The following RXRA variants were observed in gnomAD, a reference collection of about 807,000 sequenced individuals.
The protein encoded by RXRA is retinoic acid receptor RXR-alpha.
A neutral mutation model predicts 44.5 loss-of-function variants in RXRA; 5 were observed. The ratio of observed to expected loss-of-function variants is 0.11; its 90% CI spans 0.06 to 0.24. The LOEUF is 0.24. Among genes scored for constraint, RXRA ranks in the 10% least tolerant of loss-of-function variants. The pLI, the probability that RXRA is intolerant of heterozygous loss-of-function variation, is 1.00. For missense variants in RXRA, 412 were observed against 646.5 expected (o/e 0.64, Z 3.93); for synonymous variants, 291 against 271.4 (o/e 1.07, Z -0.71).
intron 6 of RXRA, chr9:134,425,398 C>T (rs1044276468): frequency 5.1e-5 from 50 of 985,082 alleles, no homozygotes; most frequent in Non-Finnish European, 5.7e-5. Context: ...AGGGCCGGGT[C>T]GCTCACAGCT....
chr9:134,418,830 G>T (rs1228337409), intron 5 of RXRA, among the ~76,000 whole-genome samples: 1 of 152,170 alleles, frequency 6.6e-6, no homozygotes, highest in Non-Finnish European at 1.5e-5. Flanking sequence ...CACCAGCTTC[G>T]GTCAAGGACA....
At chr9:134,346,236 T>G (rs1024674774) in intron 1 of RXRA, among the ~76,000 whole-genome samples, 1 of 152,188 alleles carries the variant, frequency 6.6e-6, no homozygotes, top group Non-Finnish European at 1.5e-5. Context: ...GCCCGGGACC[T>G]GGCGTTCATC....
chr9:134,329,317 G>A (rs1834965583), intron 1 of RXRA, among the ~76,000 whole-genome samples: 3 of 152,390 alleles, frequency 2.0e-5, no homozygotes, highest in Admixed American at 2.0e-4. Context: ...GGCTGGGCTT[G>A]GAGTCCCGCT....
At chr9:134,355,760 G>C (rs1554750015) in intron 1 of RXRA, among the ~76,000 whole-genome samples, 1 of 152,192 alleles carries the variant, frequency 6.6e-6, no homozygotes, top group African/African-American at 2.4e-5. Flanking sequence ...CCACACGTTG[G>C]AGGCAGGTAG....
At chr9:134,421,899 G>GAC in intron 6 of RXRA, 94 bp downstream of exon 6, 2 of 1,546,778 alleles carry the variant, frequency 1.3e-6, no homozygotes, top group Non-Finnish European at 1.7e-6. Context: ...GCACTCCCGG[G>GAC]ACACTCCCCT....
At position 134,439,859 on chromosome 9, in the gene RXRA, T is replaced by G. The variant is rs1831701669; in HGVS notation, c.*3245T>G. 6.6e-6 allele frequency: 1 copy of G among 152,370 alleles called. No individual in the cohort carries two copies. The highest frequency in any genetic ancestry group is 1.5e-5 in the Non-Finnish European group (1 of 68,048). 9.4% of individuals were successfully genotyped at this position (152,370 alleles called of 1,614,324 possible). ...ACGTTTCCCCTGTTTTCCTATAAAT[T>G]TGCTTCGTGTAAGCAAGTACATAAG... On this transcript the variant is annotated 3_prime_UTR_variant, in exon 10 of 10. Transcript: ENST00000481739.
chr9:134,419,558 C>T (rs781574695), intron 5 of RXRA, among the ~76,000 whole-genome samples: 2 of 152,206 alleles, frequency 1.3e-5, no homozygotes, highest in Non-Finnish European at 2.9e-5. Flanking sequence ...AACTGAGGTC[C>T]AGAGAGGGGG....
chr9:134,342,086 T>C lies in RXRA; in HGVS notation c.28+15427T>C, dbSNP rs554238416. 2.0e-5 allele frequency among the ~76,000 whole-genome samples: 3 copies of C among 152,130 alleles called. No homozygotes were observed. Among genetic ancestry groups the C allele is most frequent in the African/African-American group, 7.2e-5 (3 of 41,504 alleles). On this transcript the variant is annotated intron_variant, in intron 1 of 9. Coordinates refer to ENST00000481739, the MANE Select transcript of RXRA (RefSeq NM_002957.6). The surrounding 1 kb of genome is among the most constrained non-coding windows in gnomAD (Gnocchi z 4.4). ...GGCTGGGGGACATGAAGACCCCGAA[T>C]GAGGAGGCGTCTCCCTGAAGGCGCT...
chr9:134,350,979 G>C (rs551798193), intron 1 of RXRA, among the ~76,000 whole-genome samples: 84 of 152,346 alleles, frequency 5.5e-4, no homozygotes, highest in Non-Finnish European at 5.9e-4. Flanking sequence ...CTCAGCAAGG[G>C]GGGGCTGAGC....
chr9:134,365,383 G>A lies in RXRA; in HGVS notation c.29-36249G>A, dbSNP rs1554750910. 6.6e-6 allele frequency among the ~76,000 whole-genome samples: 1 copy of A among 150,802 alleles called. No homozygotes were observed. The highest frequency in any genetic ancestry group is 2.5e-5 in the African/African-American group (1 of 40,154). ...GGTGAGCTCAGGGAGCGGGGTCCAC[G>A]TTGCCTGGCCCAGGTGGGATTTGGC... On this transcript the variant is annotated intron_variant, in intron 1 of 9. Transcript: ENST00000481739. This position sits in a 1 kb window ranked among gnomAD's most constrained non-coding sequence, Gnocchi z 4.0.
intron 6 of RXRA, chr9:134,422,366 A>G: frequency 8.8e-7 from 1 of 1,130,110 alleles, no homozygotes; most frequent in Non-Finnish European, 1.1e-6. Flanking sequence ...ACTCCCCGCT[A>G]CCGGGACACT....
chr9:134,434,805 C>T (rs1420964898), intron 9 of RXRA, among the ~76,000 whole-genome samples: 2 of 149,018 alleles, frequency 1.3e-5, no homozygotes, highest in East Asian at 4.1e-4. Context: ...GCTCCAGATT[C>T]TGCCTCTTCT....
chr9:134,384,426 A>C (rs571251361), intron 1 of RXRA, among the ~76,000 whole-genome samples: 1 of 151,820 alleles, frequency 6.6e-6, no homozygotes, highest in Admixed American at 6.5e-5. Context: ...GGATGGAGTC[A>C]GGGGATATGG....
chr9:134,415,939 T>C (rs1012525351), intron 4 of RXRA, among the ~76,000 whole-genome samples: 17 of 152,146 alleles, frequency 1.1e-4, no homozygotes, highest in African/African-American at 3.1e-4. Context: ...CTCTCAGCCA[T>C]AGTTTTCTCA....
chr9:134,362,108 G>A (rs933132057), intron 1 of RXRA, among the ~76,000 whole-genome samples: 11 of 152,152 alleles, frequency 7.2e-5, no homozygotes, highest in African/African-American at 2.4e-4. Flanking sequence ...TGGACTGCCT[G>A]CTGGCTCTGC....
At chr9:134,379,154 C>G in intron 1 of RXRA, 1 of 595,334 alleles carries the variant, frequency 1.7e-6, no homozygotes. Context: ...ACCACACCTC[C>G]TCTGCACAGC....
chr9:134,415,186 C>T (rs1831214023), intron 4 of RXRA, among the ~76,000 whole-genome samples: 2 of 152,220 alleles, frequency 1.3e-5, no homozygotes, highest in African/African-American at 4.8e-5. Flanking sequence ...TCGCTCAAGC[C>T]AGTGGGCCAT....
At chr9:134,411,932 A>C (rs921751093) in intron 4 of RXRA, among the ~76,000 whole-genome samples, 2 of 152,108 alleles carry the variant, frequency 1.3e-5, no homozygotes, top group Non-Finnish European at 2.9e-5. Context: ...CCCCTGGTGC[A>C]GCCCAGGCAC....
chr9:134,401,485 CAG>C (rs1037975938), intron 1 of RXRA, 145 bp from the exon 2 acceptor site: 2 of 1,272,636 alleles, frequency 1.6e-6, no homozygotes, highest in African/African-American at 3.0e-5. Context: ...GAATTTGCGT[CAG>C]AGAGCTGTCG....
Sources: gnomAD v4.1 joint callset for allele counts (sites outside exome capture counted in the v4.1 genomes callset) on GRCh38, gnomAD v4.1.1 for gene constraint, Gnocchi (gnomAD v3.1) non-coding constraint, MANE v1.5 for transcripts, NCBI Gene and HGNC (gene_info 2026-07-23, HGNC 2026-07-21) for gene names.